SYT1: variants seen among roughly 807,000 people sequenced by gnomAD.
The protein encoded by SYT1 is synaptotagmin 1.
SYT1 carries 8 observed loss-of-function variants against 44.8 expected under a neutral mutation model. The observed-to-expected ratio is 0.18, with a 90% CI of 0.10 to 0.32. The LOEUF is 0.32. Among genes scored for constraint, SYT1 ranks in the 10% least tolerant of loss-of-function variants. The probability of loss-of-function intolerance (pLI) is 1.00; values close to 1 mark genes in which losing one functional copy is unlikely to be tolerated. For synonymous variants in SYT1, 154 were observed against 188.8 expected (o/e 0.82, Z 1.51); for missense variants, 286 against 509.3 (o/e 0.56, Z 4.22).
intron 4 of SYT1, among the ~76,000 whole-genome samples, chr12:79,268,418 A>T (rs1246175321): frequency 1.3e-5 from 2 of 152,216 alleles, no homozygotes; most frequent in Non-Finnish European, 2.9e-5. Context: ...GATATGTGGT[A>T]TTTTTCACAG....
At chr12:79,415,701 G>A (rs1351025879) in intron 9 of SYT1, among the ~76,000 whole-genome samples, 2 of 152,110 alleles carry the variant, frequency 1.3e-5, no homozygotes, top group Non-Finnish European at 1.5e-5. Flanking sequence ...ACTTAGGCAA[G>A]GGAACCTATA....
chr12:79,162,979 T>A (rs577890894), intron 3 of SYT1, among the ~76,000 whole-genome samples: 5 of 152,262 alleles, frequency 3.3e-5, no homozygotes, highest in Admixed American at 6.5e-5. Context: ...AGAAATCTCA[T>A]CCACCAAGGT....
At chr12:79,044,872 T>C (rs1349927674) in intron 2 of SYT1, among the ~76,000 whole-genome samples, 3 of 152,068 alleles carry the variant, frequency 2.0e-5, no homozygotes, top group South Asian at 2.1e-4. Flanking sequence ...TGCAGGTCTG[T>C]TGGAGTACGC....
intron 1 of SYT1, among the ~76,000 whole-genome samples, chr12:78,963,240 A>G (rs1410121787): frequency 6.6e-6 from 1 of 152,186 alleles, no homozygotes; most frequent in East Asian, 1.9e-4. Context: ...TCATAGGGAA[A>G]AACATCATGA....
intron 4 of SYT1, among the ~76,000 whole-genome samples, chr12:79,253,152 AG>A (rs1157337346): frequency 6.6e-6 from 1 of 152,170 alleles, no homozygotes; most frequent in Non-Finnish European, 1.5e-5. Flanking sequence ...AAAAACTATA[AG>A]CTTGCCACAT....
chr12:78,915,501 T>C (rs551018760), intron 1 of SYT1, among the ~76,000 whole-genome samples: 9 of 152,192 alleles, frequency 5.9e-5, no homozygotes, highest in Non-Finnish European at 1.2e-4. Flanking sequence ...AGATATTTTC[T>C]TTCCTGTTGT....
chr12:78,990,352 A>C (rs1433802324), intron 2 of SYT1, among the ~76,000 whole-genome samples: 1 of 152,176 alleles, frequency 6.6e-6, no homozygotes, highest in African/African-American at 2.4e-5. Flanking sequence ...AATATATTAA[A>C]TATTTTTGCC....
chr12:78,936,109 TTA>T (rs1878042324), intron 1 of SYT1, among the ~76,000 whole-genome samples: 1 of 152,148 alleles, frequency 6.6e-6, no homozygotes, highest in South Asian at 2.1e-4. Flanking sequence ...TCCACTGTAT[TTA>T]TGTCACTTCT....
rs139959744 is a variant in SYT1, at chr12:79,229,604, A to ATT, written c.166+11926_166+11927dup. ...GGTTTTTTTTATTTTTTATTTTTTT[A>ATT]TTTTTTTTAGACAGAGTTTTGCTTT... On this transcript the variant is annotated intron_variant, in intron 4 of 10. Coordinates refer to ENST00000261205, the MANE Select transcript of SYT1 (RefSeq NM_005639.3). Among the ~76,000 whole-genome samples the ATT allele has an allele frequency of 3.8e-3, 568 of 150,514 alleles. 8 individuals carry two copies. Among genetic ancestry groups the ATT allele is most frequent in the African/African-American group, 0.014 (554 of 40,890 alleles).
chr12:79,026,885 CAA>C (rs74453652), intron 2 of SYT1, among the ~76,000 whole-genome samples: 7,217 of 150,180 alleles, frequency 0.048, 220 homozygotes, highest in Admixed American at 0.087. Flanking sequence ...ATGGCTACTA[CAA>C]AAAAAGATAA....
chr12:79,046,828 T>C (rs964870363), intron 2 of SYT1, among the ~76,000 whole-genome samples: 1 of 152,066 alleles, frequency 6.6e-6, no homozygotes, highest in African/African-American at 2.4e-5. Context: ...GTATAACATA[T>C]TGAGGTGTTT....
At chr12:79,048,036 G>A (rs1874202466) in intron 3 of SYT1, among the ~76,000 whole-genome samples, 2 of 151,854 alleles carry the variant, frequency 1.3e-5, no homozygotes. Flanking sequence ...TTTTGAATAT[G>A]TGAATATGAA....
At chr12:79,313,045 T>C (rs111971004) in intron 8 of SYT1, among the ~76,000 whole-genome samples, 1,605 of 152,342 alleles carry the variant, frequency 0.011, 30 homozygotes, top group African/African-American at 0.036. Flanking sequence ...ATTTTCTTTT[T>C]TGCATAAGTC....
intron 4 of SYT1, among the ~76,000 whole-genome samples, chr12:79,222,598 G>A (rs1194374159): frequency 6.6e-6 from 1 of 152,008 alleles, no homozygotes; most frequent in East Asian, 1.9e-4. Context: ...GGCCCAGCTG[G>A]TCTCGAACTC....
At chr12:78,995,380 T>A (rs995029542) in intron 2 of SYT1, among the ~76,000 whole-genome samples, 1 of 152,186 alleles carries the variant, frequency 6.6e-6, no homozygotes, top group Non-Finnish European at 1.5e-5. Context: ...AGAGCTCAGA[T>A]CTCAATAGGG....
chr12:78,864,584 G>A (rs980498637), upstream of SYT1: 2 of 152,168 alleles, frequency 1.3e-5, no homozygotes, highest in Non-Finnish European at 2.9e-5. Context: ...TAACAGAACT[G>A]GGATGGGCGA....
At chr12:78,974,939 C>T (rs1022947619) in intron 1 of SYT1, among the ~76,000 whole-genome samples, 2 of 152,026 alleles carry the variant, frequency 1.3e-5, no homozygotes, top group African/African-American at 4.8e-5. Flanking sequence ...ACAAACTCAC[C>T]CATGCCCGCC....
intron 1 of SYT1, among the ~76,000 whole-genome samples, chr12:78,963,046 G>A (rs1167926566): frequency 6.6e-6 from 1 of 151,932 alleles, no homozygotes; most frequent in Non-Finnish European, 1.5e-5. Context: ...TCATAAATTA[G>A]AACCATGAAG....
chr12:79,018,962 T>C (rs777075657), intron 2 of SYT1, among the ~76,000 whole-genome samples: 2 of 152,088 alleles, frequency 1.3e-5, no homozygotes, highest in Non-Finnish European at 2.9e-5. Flanking sequence ...GTAAGGTGTT[T>C]TGTATTCTGC....
Sources: gnomAD v4.1 joint callset for allele counts (sites outside exome capture counted in the v4.1 genomes callset) on GRCh38, gnomAD v4.1.1 for gene constraint, MANE v1.5 for transcripts, NCBI Gene and HGNC (gene_info 2026-07-23, HGNC 2026-07-21) for gene names.